The following C17orf58 variants were observed in gnomAD, a reference collection of about 807,000 sequenced individuals.
C17orf58 encodes the protein chromosome 17 open reading frame 58, also known as UPF0450 protein C17orf58.
In C17orf58, 5 loss-of-function variants were observed where a neutral mutation model predicts 7.4. That is an observed-to-expected ratio of 0.67 (90% CI 0.35 to 1.42). The LOEUF (loss-of-function observed/expected upper bound fraction) is 1.42, where lower values mean the gene tolerates loss of function less well. Ranked by LOEUF, C17orf58 falls within the 40% of genes most tolerant of loss-of-function variation. C17orf58 has a pLI of 0.04. For missense variants in C17orf58, 162 were observed against 174.2 expected, an observed-to-expected ratio of 0.93 and a Z score of 0.40; for synonymous variants, 60 against 70.6, an observed-to-expected ratio of 0.85 and a Z score of 0.75.
At position 67,993,091 on chromosome 17, in the gene C17orf58, G is replaced by A. The variant is rs1555699416; in HGVS notation, c.782C>T (p.Ala261Val). The A allele has an allele frequency of 6.2e-7, 1 of 1,613,938 alleles. No individual in the cohort carries two copies. Among genetic ancestry groups the A allele is most frequent in the African/African-American group, 1.3e-5 (1 of 74,926 alleles). The change falls in exon 3 of 4, where the codon GCC (alanine) becomes GTC (valine). Residue 261 changes from alanine (A) to valine (V), a missense_variant. Around this residue, in one of 3 missense-constraint regions of C17orf58, gnomAD observed 93 missense variants for 90.4 expected, o/e 1.03. Coordinates refer to ENST00000580729, the MANE Select transcript of C17orf58 (RefSeq NM_001382359.1). The surrounding 1 kb of genome is among the most constrained non-coding windows in gnomAD (Gnocchi z 5.1). The stretch of plus-strand genomic sequence containing the variant: ...CTTATTGCAGCTGGAGGAGTCCAGG[G>A]CTAACATGTGGACTCGGAAGAAGAA... ...DGFFFRVHML[A>V]LDSSSCNKPC...
chr17:67,992,615 A>G (rs2070845666), intron 3 of C17orf58, among the ~76,000 whole-genome samples: 1 of 151,096 alleles, frequency 6.6e-6, no homozygotes, highest in Admixed American at 6.6e-5. Context: ...ACCGGACCAC[A>G]TTACAGAACA....
At chr17:67,994,510 GTGTGTGTATATATATA>G (rs1213986135) in intron 1 of C17orf58, among the ~76,000 whole-genome samples, 1 of 71,510 alleles carries the variant, frequency 1.4e-5, no homozygotes, top group Non-Finnish European at 2.9e-5. Context: ...GTGTGTGTGT[GTGTGTGTATATATATA>G]TATATATATA....
chr17:67,993,246 A>G lies in C17orf58; in HGVS notation c.638-11T>C. The G allele has an allele frequency of 6.6e-7, 1 of 1,511,610 alleles. No individual in the cohort carries two copies. The highest frequency in any genetic ancestry group is 9.0e-7 in the Non-Finnish European group (1 of 1,110,202). The allele number at this position is 1,511,610 out of a possible 1,614,324, so 93.6% of individuals were successfully genotyped here. On this transcript the variant is annotated splice_polypyrimidine_tract_variant and intron_variant, in intron 2 of 3. Coordinates refer to ENST00000580729, the MANE Select transcript of C17orf58 (RefSeq NM_001382359.1). The surrounding 1 kb of genome is among the most constrained non-coding windows in gnomAD (Gnocchi z 5.1). ...CGATCCCGTTCACCGCTGCTTCCGA[A>G]AAACAGTTTGGAGAAGAGCATTACC... is the stretch of plus-strand genomic sequence containing the variant.
At position 67,993,028 on chromosome 17, in the gene C17orf58, A is replaced by G; in HGVS notation, c.829+16T>C. The G allele has an allele frequency of 6.2e-7, 1 of 1,614,224 alleles. No homozygotes were observed. On this transcript the variant is annotated intron_variant, in intron 3 of 3. Transcript: ENST00000580729. This position sits in a 1 kb window ranked among gnomAD's most constrained non-coding sequence, Gnocchi z 5.1. Reference sequence around the variant, plus strand: ...ATAAAGTACATATGCAGCGTCATTCAGGTCAGTTTCAATACCAGGTTTAAA... The same window carrying G: ...ATAAAGTACATATGCAGCGTCATTCGGGTCAGTTTCAATACCAGGTTTAAA...
intron 1 of C17orf58, 93 bp downstream of exon 1, chr17:67,996,030 C>G (rs1478102064): frequency 1.0e-5 from 4 of 398,664 alleles, no homozygotes; most frequent in African/African-American, 4.1e-5. Flanking sequence ...CTCTGACCCC[C>G]CTCCTCGTCC....
At chr17:67,992,817 C>G in intron 3 of C17orf58, 1 of 1,474,372 alleles carries the variant, frequency 6.8e-7, no homozygotes, top group South Asian at 1.3e-5. Flanking sequence ...TTATTGACAG[C>G]CCGCTTTGTG....
Position 67,993,130 on chromosome 17 carries a change from A to G in C17orf58, c.743T>C (p.Leu248Pro). The G allele has an allele frequency of 6.2e-7, 1 of 1,613,980 alleles. No homozygotes were observed. Among genetic ancestry groups the G allele is most frequent in the Non-Finnish European group, 8.5e-7 (1 of 1,179,916 alleles). The change falls in exon 3 of 4, where the codon CTC becomes CCC. Residue 248 changes from leucine (L) to proline (P), a missense_variant. By Grantham distance (98) the Leu-to-Pro change is moderately conservative (BLOSUM62 -3). Transcript: ENST00000580729. This position sits in a 1 kb window ranked among gnomAD's most constrained non-coding sequence, Gnocchi z 5.1. ...TCGGAAGAAGAAGCCGTCGGGGGTGAGGTACAGGCGGTTCATCTTGTACAG... is the reference window on the plus strand; with the variant it reads ...TCGGAAGAAGAAGCCGTCGGGGGTGGGGTACAGGCGGTTCATCTTGTACAG... ...DGLYKMNRLYLTPDGFFFRVH... is the reference protein window; with the variant it reads ...DGLYKMNRLYPTPDGFFFRVH...
chr17:67,992,818 C>T (rs1412386062), intron 3 of C17orf58: 1 of 1,476,880 alleles, frequency 6.8e-7, no homozygotes, highest in Non-Finnish European at 9.1e-7. Context: ...TATTGACAGC[C>T]CGCTTTGTGC....
In C17orf58 at chr17:67,991,869, G is replaced by A. The variant is rs782820133; in HGVS notation, c.*44C>T. ...GGTAGACCTTTCATGTCTTGTTGCC[G>A]ACGTCCAAGTCTCTTGCGGTCCAGA... On this transcript the variant is annotated 3_prime_UTR_variant, in exon 4 of 4. Transcript: ENST00000580729. 89 of 1,514,292 alleles carry A rather than the reference G, an allele frequency of 5.9e-5. No homozygotes were observed. Among genetic ancestry groups the A allele is most frequent in the Admixed American group, 1.2e-4 (6 of 51,828 alleles). 93.8% of individuals were successfully genotyped at this position (1,514,292 alleles called of 1,614,324 possible).
At position 67,991,863 on chromosome 17, in the gene C17orf58, G is replaced by A. The variant is rs2070834175; in HGVS notation, c.*50C>T. On this transcript the variant is annotated 3_prime_UTR_variant, in exon 4 of 4. Coordinates refer to ENST00000580729, the MANE Select transcript of C17orf58 (RefSeq NM_001382359.1). ...CATGAAGGTAGACCTTTCATGTCTT[G>A]TTGCCGACGTCCAAGTCTCTTGCGG... 2 of 1,494,532 alleles carry A rather than the reference G, an allele frequency of 1.3e-6. No homozygotes were observed. Among genetic ancestry groups the A allele is most frequent in the East Asian group, 4.7e-5 (2 of 42,988 alleles). 92.6% of individuals were successfully genotyped at this position (1,494,532 alleles called of 1,614,324 possible).
rs116663321 is a variant in C17orf58 at position 67,993,197 on chromosome 17, C to A, written c.676G>T (p.Ala226Ser). 1,218 of 1,609,364 alleles carry A rather than the reference C, an allele frequency of 7.6e-4. 7 individuals are homozygous for A. The African/African-American group carries it at 0.015, about 19-fold the overall frequency. Residue 226 changes from alanine (A) to serine (S), a missense_variant, in exon 3 of 4, where the codon GCG becomes TCG. Around this residue, in one of 3 missense-constraint regions of C17orf58, gnomAD observed 93 missense variants for 90.4 expected, o/e 1.03. Coordinates refer to ENST00000580729, the MANE Select transcript of C17orf58 (RefSeq NM_001382359.1). This position sits in a 1 kb window ranked among gnomAD's most constrained non-coding sequence, Gnocchi z 5.1. ...AGCAGGGTCACCAGCCGGATGCCCGCGCCCAGCACGTCCACATCGTGCACG... is the reference window on the plus strand; with the variant it reads ...AGCAGGGTCACCAGCCGGATGCCCGAGCCCAGCACGTCCACATCGTGCACG... ...GIVHDVDVLG[A>S]GIRLVTLLVD... is the part of the protein sequence containing the mutation.
chr17:67,993,865 C>G lies in C17orf58; in HGVS notation c.196G>C (p.Ala66Pro), dbSNP rs1228939437. The part of the protein sequence containing the change: ...APQRPRAAEV[A>P]PAARAWPDPR... ...TCAGGCCAGGCGCGGGCGGCGGGAGCGACCTCGGCCGCGCGCGGCCGCTGC... is the reference window on the plus strand; with the variant it reads ...TCAGGCCAGGCGCGGGCGGCGGGAGGGACCTCGGCCGCGCGCGGCCGCTGC... Residue 66 changes from alanine (A) to proline (P), a missense_variant, in exon 2 of 4, where the codon GCT becomes CCT. Around this residue, in one of 3 missense-constraint regions of C17orf58, gnomAD observed 93 missense variants for 90.4 expected, o/e 1.03. Transcript: ENST00000580729. This position sits in a 1 kb window ranked among gnomAD's most constrained non-coding sequence, Gnocchi z 5.1. 2.8e-6 allele frequency: 1 copy of G among 355,668 alleles called. No homozygotes were observed. Among genetic ancestry groups the G allele is most frequent in the African/African-American group, 2.2e-5 (1 of 46,136 alleles). 22.0% of individuals were successfully genotyped at this position (355,668 alleles called of 1,614,324 possible). A position where few individuals can be genotyped will look rare whatever the true frequency, so the allele number is the denominator to read the frequency against.
In C17orf58 at chr17:67,992,071, G is replaced by A. The variant is rs1555699313; in HGVS notation, c.862C>T (p.His288Tyr). 1.2e-6 allele frequency: 2 copies of A among 1,603,184 alleles called. No individual in the cohort carries two copies. The highest frequency in any genetic ancestry group is 1.7e-6 in the Non-Finnish European group (2 of 1,175,526). ...GCTGTAGGGAGCTGCCGTCTCTTAT[G>A]GTAGATGTGGCCCATCACAATATAC... The part of the protein sequence containing the change: ...SRYIVMGHIY[H>Y]KRRQLPTALL... The change falls in exon 4 of 4, where the codon CAT becomes TAT. Residue 288 changes from histidine to tyrosine, a missense_variant. Coordinates refer to ENST00000580729, the MANE Select transcript of C17orf58 (RefSeq NM_001382359.1).
rs2070833361 is a variant in C17orf58, at chr17:67,991,798, C to T, written c.*115G>A. 1 of 814,490 alleles carries T rather than the reference C, an allele frequency of 1.2e-6. No homozygotes were observed. The highest frequency in any genetic ancestry group is 1.7e-5 in the African/African-American group (1 of 58,482). 50.5% of individuals were successfully genotyped at this position (814,490 alleles called of 1,614,324 possible). On this transcript the variant is annotated 3_prime_UTR_variant, in exon 4 of 4. Coordinates refer to ENST00000580729, the MANE Select transcript of C17orf58 (RefSeq NM_001382359.1). ...CAGTTGCAGCTATGCAAGTCATTCA[C>T]AGAGTAGCTGAGGGCTCTCTTCTGA...
At chr17:67,994,508 G>GTATATATATA (rs1401650060) in intron 1 of C17orf58, among the ~76,000 whole-genome samples, 569 of 55,784 alleles carry the variant, frequency 0.01, 9 homozygotes, top group South Asian at 0.038. Context: ...GTGTGTGTGT[G>GTATATATATA]TGTGTGTGTA....
intron 1 of C17orf58, among the ~76,000 whole-genome samples, chr17:67,994,359 T>G (rs1409047373): frequency 6.6e-6 from 1 of 151,814 alleles, no homozygotes; most frequent in Non-Finnish European, 1.5e-5. Context: ...GGTCTTGACC[T>G]CTAAGATTAT....
In C17orf58 at chr17:67,992,047, C is replaced by T; in HGVS notation, c.886G>A (p.Ala296Thr). The change falls in exon 4 of 4, where the codon GCT becomes ACT. Residue 296 changes from alanine to threonine, a missense_variant. Around this residue, in one of 3 missense-constraint regions of C17orf58, gnomAD observed 65 missense variants for 66.4 expected, o/e 0.98. Transcript: ENST00000580729. The stretch of plus-strand genomic sequence containing the variant: ...CGGCCTCTCAGGACCTGGAGCAGAG[C>T]TGTAGGGAGCTGCCGTCTCTTATGG... Reference protein sequence around the residue: ...IYHKRRQLPTALLQVLRGRLR... With the variant: ...IYHKRRQLPTTLLQVLRGRLR... 4 of 1,611,162 alleles carry T rather than the reference C, an allele frequency of 2.5e-6. No homozygotes were observed. The highest frequency in any genetic ancestry group is 3.4e-6 in the Non-Finnish European group (4 of 1,178,786).
Position 67,991,839 on chromosome 17 carries a change from A to T in C17orf58, c.*74T>A. 7.7e-7 allele frequency: 1 copy of T among 1,301,430 alleles called. No homozygotes were observed. Among genetic ancestry groups the T allele is most frequent in the Non-Finnish European group, 1.1e-6 (1 of 939,720 alleles). 80.6% of individuals were successfully genotyped at this position (1,301,430 alleles called of 1,614,324 possible). A position where few individuals can be genotyped will look rare whatever the true frequency, so the allele number is the denominator to read the frequency against. ...TCTCTTCTGAAGGAGGACCCATTACATGAAGGTAGACCTTTCATGTCTTGT... is the reference window on the plus strand; with the variant it reads ...TCTCTTCTGAAGGAGGACCCATTACTTGAAGGTAGACCTTTCATGTCTTGT... On this transcript the variant is annotated 3_prime_UTR_variant, in exon 4 of 4. Transcript: ENST00000580729.
At chr17:67,994,514 G>GCATATATATA (rs1285480406) in intron 1 of C17orf58, among the ~76,000 whole-genome samples, 36 of 87,210 alleles carry the variant, frequency 4.1e-4, no homozygotes, top group Non-Finnish European at 6.6e-4. Flanking sequence ...GTGTGTGTGT[G>GCATATATATA]TGTATATATA....
Sources: allele counts gnomAD v4.1 joint callset (sites outside exome capture counted in the v4.1 genomes callset), GRCh38; gene constraint gnomAD v4.1.1; regional missense constraint gnomAD v4.1.1; non-coding constraint Gnocchi (gnomAD v3.1); transcripts MANE v1.5; gene names NCBI Gene and HGNC (gene_info 2026-07-23, HGNC 2026-07-21).